Variants in KATNIP observed in about 807,000 individuals in gnomAD.
KATNIP encodes the protein katanin interacting protein, also known as katanin-interacting protein.
KATNIP carries 126 observed loss-of-function variants against 174.0 expected under a neutral mutation model. The ratio of observed to expected loss-of-function variants is 0.72; its 90% CI spans 0.63 to 0.84. The LOEUF is 0.84. Ranked by LOEUF, KATNIP falls within the 40% of genes least tolerant of loss-of-function variation. The probability of loss-of-function intolerance (pLI) is 0.00; values close to 1 mark genes in which losing one functional copy is unlikely to be tolerated. For missense variants in KATNIP, 1,958 were observed against 2,109.7 expected, an observed-to-expected ratio of 0.93 and a Z score of 1.41; for synonymous variants, 810 against 835.7, an observed-to-expected ratio of 0.97 and a Z score of 0.53.
intron 21 of KATNIP, 22 bp from the exon 22 acceptor site, chr16:27,771,566 G>A: frequency 6.2e-7 from 1 of 1,611,264 alleles, no homozygotes; most frequent in Non-Finnish European, 8.5e-7. Flanking sequence ...CTTCTTCATG[G>A]TGCTGTTTTG....
rs532098481 is a variant in KATNIP at position 27,637,708 on chromosome 16, G to C, written c.408+6546G>C. Among the ~76,000 whole-genome samples the C allele has an allele frequency of 1.3e-5, 2 of 152,324 alleles. No individual in the cohort carries two copies. The highest frequency in any genetic ancestry group is 1.9e-4 in the East Asian group (1 of 5,174). Reference sequence around the variant, plus strand: ...AGGGTGGCAGAAAGGGTGGGGATGAGGGTGTCAGGGTTGCAAGTAGGAAGA... The same window carrying C: ...AGGGTGGCAGAAAGGGTGGGGATGACGGTGTCAGGGTTGCAAGTAGGAAGA... On this transcript the variant is annotated intron_variant, in intron 5 of 27. Coordinates refer to ENST00000261588, the MANE Select transcript of KATNIP (RefSeq NM_015202.5). This position sits in a 1 kb window ranked among gnomAD's most constrained non-coding sequence, Gnocchi z 4.7.
At chr16:27,630,552 A>C (rs547850641) in intron 4 of KATNIP, among the ~76,000 whole-genome samples, 17 of 152,342 alleles carry the variant, frequency 1.1e-4, no homozygotes, top group Non-Finnish European at 2.1e-4. Context: ...TGGCTCTCCT[A>C]GTTTTCACAG....
intron 1 of KATNIP, among the ~76,000 whole-genome samples, chr16:27,555,869 G>A (rs1329398870): frequency 6.6e-6 from 1 of 151,920 alleles, no homozygotes; most frequent in Non-Finnish European, 1.5e-5. Context: ...GCCAGGCGCG[G>A]TGGCTCATGC....
In KATNIP at chr16:27,618,409, T is replaced by C. The variant is rs1439827370; in HGVS notation, c.64-16T>C. 3.1e-6 allele frequency: 5 copies of C among 1,598,218 alleles called. No homozygotes were observed. Among genetic ancestry groups the C allele is most frequent in the Non-Finnish European group, 4.3e-6 (5 of 1,165,726 alleles). On this transcript the variant is annotated splice_polypyrimidine_tract_variant and intron_variant, in intron 2 of 27. Coordinates refer to ENST00000261588, the MANE Select transcript of KATNIP (RefSeq NM_015202.5). ...CCTGCATTCCGATATCACACTGCTC[T>C]GTTTCTTCATTTCAGGGTTACGCTA...
At chr16:27,769,761 A>G in intron 20 of KATNIP, 100 bp from the exon 21 acceptor site, 2 of 1,430,010 alleles carry the variant, frequency 1.4e-6, no homozygotes, top group South Asian at 1.3e-5. Flanking sequence ...AAGGCTCCCC[A>G]TGGTGAGCAC....
intron 3 of KATNIP, 42 bp from the exon 4 acceptor site, chr16:27,628,617 ACT>A: frequency 6.2e-7 from 1 of 1,601,528 alleles, no homozygotes; most frequent in Middle Eastern, 1.7e-4. Context: ...AGCAGCCCAG[ACT>A]CTCAAATGAT....
chr16:27,592,389 T>C (rs919076452), intron 2 of KATNIP, among the ~76,000 whole-genome samples: 3 of 145,780 alleles, frequency 2.1e-5, no homozygotes, highest in Non-Finnish European at 4.5e-5. Flanking sequence ...GTTCAAGCAA[T>C]TCTCCTGCCT....
intron 6 of KATNIP, among the ~76,000 whole-genome samples, chr16:27,668,593 G>A (rs1283043034): frequency 6.6e-6 from 1 of 152,226 alleles, no homozygotes; most frequent in Non-Finnish European, 1.5e-5. Context: ...AGAGTCAGAT[G>A]GTCATTCCTC....
At chr16:27,557,509 G>T (rs2089680152) in intron 1 of KATNIP, among the ~76,000 whole-genome samples, 1 of 149,880 alleles carries the variant, frequency 6.7e-6, no homozygotes, top group South Asian at 2.1e-4. Flanking sequence ...ACTCACTGGT[G>T]CGTCCATCTC....
chr16:27,699,632 C>A, intron 10 of KATNIP, 33 bp downstream of exon 10: 1 of 1,613,518 alleles, frequency 6.2e-7, no homozygotes, highest in Non-Finnish European at 8.5e-7. Flanking sequence ...TGACAAAGCC[C>A]CACGCATGTG....
At chr16:27,603,037 G>T (rs74847777) in intron 2 of KATNIP, among the ~76,000 whole-genome samples, 3,171 of 152,292 alleles carry the variant, frequency 0.021, 134 homozygotes, top group African/African-American at 0.073. Flanking sequence ...GGTGAGCAAG[G>T]AGCTAGGGTC....
chr16:27,663,026 A>T (rs968496470), intron 6 of KATNIP, among the ~76,000 whole-genome samples: 1 of 150,008 alleles, frequency 6.7e-6, no homozygotes, highest in African/African-American at 2.5e-5. Context: ...TTTTCAGCTT[A>T]TTTCTGCTTT....
At chr16:27,766,607 C>A in intron 20 of KATNIP, 133 bp downstream of exon 20, 3 of 885,544 alleles carry the variant, frequency 3.4e-6, no homozygotes, top group Non-Finnish European at 3.4e-6. Flanking sequence ...GCGTTATGTC[C>A]AGGGAGAGAG....
At chr16:27,610,563 G>A (rs1448273228) in intron 2 of KATNIP, among the ~76,000 whole-genome samples, 2 of 152,102 alleles carry the variant, frequency 1.3e-5, no homozygotes, top group Non-Finnish European at 1.5e-5. Flanking sequence ...CCCCCTGCAG[G>A]GATCCCTAGA....
intron 5 of KATNIP, among the ~76,000 whole-genome samples, chr16:27,638,151 G>T (rs2076690718): frequency 6.6e-6 from 1 of 152,178 alleles, no homozygotes; most frequent in African/African-American, 2.4e-5. Flanking sequence ...CTGCTGCTTA[G>T]CCTGGATGAG....
chr16:27,764,329 C>T (rs571443150), intron 19 of KATNIP, among the ~76,000 whole-genome samples: 1 of 152,306 alleles, frequency 6.6e-6, no homozygotes, highest in East Asian at 1.9e-4. Context: ...GGATTTTAAA[C>T]ATACAGTACT....
chr16:27,645,783 TG>T (rs2076941540), intron 5 of KATNIP, among the ~76,000 whole-genome samples: 1 of 152,206 alleles, frequency 6.6e-6, no homozygotes, highest in African/African-American at 2.4e-5. Flanking sequence ...AAGTCCTGTC[TG>T]CACTGAGTCT....
chr16:27,690,951 T>C (rs2078709606), intron 8 of KATNIP, among the ~76,000 whole-genome samples: 1 of 152,178 alleles, frequency 6.6e-6, no homozygotes, highest in Admixed American at 6.5e-5. Context: ...TTCCTTTTTT[T>C]TTGAGCTTGG....
rs573937242 is a variant in KATNIP, at chr16:27,751,940, G to A, written c.3552+16G>A. ...TGATGAACGGGTAGGACTGGAGCTG[G>A]GGGGCTGTGGGGGGACCCCCAGATA... is the stretch of plus-strand genomic sequence containing the variant. On this transcript the variant is annotated intron_variant, in intron 17 of 27. Coordinates refer to ENST00000261588, the MANE Select transcript of KATNIP (RefSeq NM_015202.5). 4 of 1,581,534 alleles carry A rather than the reference G, an allele frequency of 2.5e-6. No homozygotes were observed. The Admixed American group carries it at 5.2e-5, about 21-fold the overall frequency.
Sources: gnomAD v4.1 joint callset for allele counts (sites outside exome capture counted in the v4.1 genomes callset) on GRCh38, gnomAD v4.1.1 for gene constraint, Gnocchi (gnomAD v3.1) non-coding constraint, MANE v1.5 for transcripts, NCBI Gene and HGNC (gene_info 2026-07-23, HGNC 2026-07-21) for gene names.